SCUBE1: variants seen among roughly 807,000 people sequenced by gnomAD.
The protein encoded by SCUBE1 is signal peptide, CUB domain and EGF like domain containing 1.
Under a neutral mutation model 124.4 loss-of-function variants are expected in SCUBE1, and 59 were observed. The observed-to-expected ratio is 0.47, with a 90% confidence interval of 0.38 to 0.59. The LOEUF is 0.59. Among genes scored for constraint, SCUBE1 ranks in the 20% least tolerant of loss-of-function variants. The pLI is 0.00. For synonymous variants in SCUBE1, 545 were observed against 550.9 expected, an observed-to-expected ratio of 0.99 and a Z score of 0.15; for missense variants, 1,150 against 1,371.2, an observed-to-expected ratio of 0.84 and a Z score of 2.55.
At chr22:43,269,630 C>T (rs1171292815) in intron 4 of SCUBE1, among the ~76,000 whole-genome samples, 1 of 152,150 alleles carries the variant, frequency 6.6e-6, no homozygotes, top group African/African-American at 2.4e-5. Flanking sequence ...TTGCTGCGCC[C>T]TTCCCCCTCA....
intron 3 of SCUBE1, among the ~76,000 whole-genome samples, chr22:43,310,883 A>G (rs1031218166): frequency 1.3e-5 from 2 of 152,124 alleles, no homozygotes; most frequent in Admixed American, 6.5e-5. Flanking sequence ...GGCTCATGCA[A>G]TCCTCCCACC....
chr22:43,230,367 G>A (rs1045643889), intron 8 of SCUBE1, among the ~76,000 whole-genome samples: 8 of 151,974 alleles, frequency 5.3e-5, no homozygotes, highest in African/African-American at 1.9e-4. Flanking sequence ...AAGCAAAGGA[G>A]CATGGACGCT....
In SCUBE1 at chr22:43,198,253, G is replaced by A. The variant is rs969548691; in HGVS notation, c.*5744C>T. Reference sequence around the variant, plus strand: ...CCTTCTTCCTGTTGGGGCTTGGGGGGTGCAGACAATTCCAGGGGGCTCACT... The same window carrying A: ...CCTTCTTCCTGTTGGGGCTTGGGGGATGCAGACAATTCCAGGGGGCTCACT... On this transcript the variant is annotated 3_prime_UTR_variant, in exon 22 of 22. Transcript: ENST00000360835. 3.3e-6 allele frequency: 1 copy of A among 299,150 alleles called. No homozygotes were observed. 18.5% of individuals were successfully genotyped at this position (299,150 alleles called of 1,614,324 possible).
At chr22:43,335,979 GTGATGATGATGATAA>G (rs1927067091) in intron 2 of SCUBE1, among the ~76,000 whole-genome samples, 1 of 151,254 alleles carries the variant, frequency 6.6e-6, no homozygotes, top group Non-Finnish European at 1.5e-5. Context: ...GATGATGATG[GTGATGATGATGATAA>G]TGATGATGGT....
intron 3 of SCUBE1, among the ~76,000 whole-genome samples, chr22:43,299,534 T>C (rs890371936): frequency 3.9e-5 from 6 of 152,150 alleles, no homozygotes; most frequent in African/African-American, 9.7e-5. Flanking sequence ...GGCCCAGAAG[T>C]GGACAGAGCT....
intron 2 of SCUBE1, among the ~76,000 whole-genome samples, chr22:43,327,005 T>A (rs1431535952): frequency 6.6e-6 from 1 of 152,182 alleles, no homozygotes; most frequent in Non-Finnish European, 1.5e-5. Context: ...TGCAAATCCA[T>A]GAGAACGAGA....
At chr22:43,296,508 A>G (rs1026771774) in intron 3 of SCUBE1, among the ~76,000 whole-genome samples, 1 of 152,224 alleles carries the variant, frequency 6.6e-6, no homozygotes, top group Non-Finnish European at 1.5e-5. Flanking sequence ...GGACTTAGCT[A>G]CAAAGAGACA....
In SCUBE1 at chr22:43,211,379, C is replaced by T. The variant is rs1382094751; in HGVS notation, c.2222-296G>A. On this transcript the variant is annotated intron_variant, in intron 17 of 21. Transcript: ENST00000360835. This position sits in a 1 kb window ranked among gnomAD's most constrained non-coding sequence, Gnocchi z 4.5. The stretch of plus-strand genomic sequence containing the variant: ...GGGAGAGCGGGGGCGATGATGTGGC[C>T]GGAGGCGTGCGGGGGAGACAGGGAG... Among the ~76,000 whole-genome samples, 2 of 151,922 alleles carry T rather than the reference C, an allele frequency of 1.3e-5. No homozygotes were observed. The highest frequency in any genetic ancestry group is 1.3e-4 in the Admixed American group (2 of 15,258).
intron 4 of SCUBE1, chr22:43,270,708 T>C (rs925656412): frequency 1.3e-5 from 2 of 152,268 alleles, no homozygotes; most frequent in African/African-American, 2.4e-5. Flanking sequence ...GAGTAGGACA[T>C]GGGAGGCAGG....
At chr22:43,215,705 A>C (rs1921778999) in intron 15 of SCUBE1, among the ~76,000 whole-genome samples, 2 of 152,174 alleles carry the variant, frequency 1.3e-5, no homozygotes, top group African/African-American at 4.8e-5. Flanking sequence ...TGAGTTTGGG[A>C]CAAGGGCAGG....
intron 17 of SCUBE1, among the ~76,000 whole-genome samples, chr22:43,212,023 T>C (rs967484411): frequency 3.9e-5 from 6 of 152,034 alleles, no homozygotes; most frequent in African/African-American, 1.4e-4. Flanking sequence ...AGACGGGATG[T>C]AGACCTGGGT....
At chr22:43,222,493 A>T (rs1282343294) in intron 12 of SCUBE1, 145 bp downstream of exon 12, 11 of 638,280 alleles carry the variant, frequency 1.7e-5, no homozygotes, top group Non-Finnish European at 2.4e-5. Flanking sequence ...GGCCTGGCTC[A>T]TCGCCAGCAC....
At chr22:43,328,786 A>C (rs1053088960) in intron 2 of SCUBE1, among the ~76,000 whole-genome samples, 1 of 152,146 alleles carries the variant, frequency 6.6e-6, no homozygotes, top group Non-Finnish European at 1.5e-5. Context: ...TTGTAATAAA[A>C]ATAACAGCAG....
At chr22:43,300,209 C>T (rs1185315192) in intron 3 of SCUBE1, among the ~76,000 whole-genome samples, 1 of 152,144 alleles carries the variant, frequency 6.6e-6, no homozygotes, top group Non-Finnish European at 1.5e-5. Context: ...CTGTTTACCA[C>T]GGGCGACACC....
chr22:43,250,973 C>T (rs772008023), intron 6 of SCUBE1, among the ~76,000 whole-genome samples: 2 of 152,228 alleles, frequency 1.3e-5, no homozygotes, highest in Non-Finnish European at 2.9e-5. Context: ...CCAGGCTTTG[C>T]TCACTGGCTA....
chr22:43,224,950 C>T (rs189143684), intron 10 of SCUBE1, among the ~76,000 whole-genome samples: 4 of 152,296 alleles, frequency 2.6e-5, no homozygotes, highest in East Asian at 3.9e-4. Context: ...ACCTAAACAG[C>T]GACAACTACC....
At chr22:43,301,222 C>T (rs1183510079) in intron 3 of SCUBE1, among the ~76,000 whole-genome samples, 1 of 152,166 alleles carries the variant, frequency 6.6e-6, no homozygotes. Flanking sequence ...CAGTCGCCCT[C>T]GTCTCTGGCC....
At chr22:43,341,285 T>G (rs1927309066) in intron 1 of SCUBE1, among the ~76,000 whole-genome samples, 1 of 152,112 alleles carries the variant, frequency 6.6e-6, no homozygotes, top group East Asian at 1.9e-4. Flanking sequence ...GGAACATCCA[T>G]GAGGGCCTTC....
intron 7 of SCUBE1, among the ~76,000 whole-genome samples, chr22:43,236,925 C>CGTGA (rs1337985915): frequency 6.6e-6 from 1 of 152,208 alleles, no homozygotes; most frequent in Non-Finnish European, 1.5e-5. Context: ...ACACCTGTTC[C>CGTGA]GTGAGCGAGC....
Sources: gnomAD v4.1 joint callset for allele counts (sites outside exome capture counted in the v4.1 genomes callset) on GRCh38, gnomAD v4.1.1 for gene constraint, Gnocchi (gnomAD v3.1) non-coding constraint, MANE v1.5 for transcripts, NCBI Gene and HGNC (gene_info 2026-07-23, HGNC 2026-07-21) for gene names.